The following MAPK10 variants were observed in gnomAD, a reference collection of about 807,000 sequenced individuals.
MAPK10 encodes the protein JNK3 alpha protein kinase.
MAPK10 carries 25 observed loss-of-function variants against 59.3 expected under a neutral mutation model. The ratio of observed to expected loss-of-function variants is 0.42; its 90% confidence interval spans 0.31 to 0.59. The LOEUF is 0.59. Ranked by LOEUF, MAPK10 falls within the 20% of genes least tolerant of loss-of-function variation. The probability of loss-of-function intolerance (pLI) is 0.15; values close to 1 mark genes in which losing one functional copy is unlikely to be tolerated. For synonymous variants in MAPK10, 190 were observed against 200.5 expected (o/e 0.95, Z 0.44); for missense variants, 351 against 568.9 (o/e 0.62, Z 3.90).
chr4:86,521,088 T>C (rs984556638), intron 1 of MAPK10, among the ~76,000 whole-genome samples: 4 of 152,238 alleles, frequency 2.6e-5, no homozygotes, highest in Non-Finnish European at 5.9e-5. Flanking sequence ...TCTCAAATGC[T>C]GGTTATGCTA....
chr4:86,507,627 T>TAC (rs1279542555), intron 1 of MAPK10, among the ~76,000 whole-genome samples: 5 of 44,972 alleles, frequency 1.1e-4, no homozygotes, highest in Non-Finnish European at 1.7e-4. Context: ...TATATATATA[T>TAC]ATATATATAT....
At chr4:86,152,498 C>G (rs1038146773) in intron 4 of MAPK10, 10 of 152,076 alleles carry the variant, frequency 6.6e-5, no homozygotes, top group African/African-American at 2.2e-4. Flanking sequence ...AATTTAAATT[C>G]CATCACAGGA....
chr4:86,107,711 C>T (rs1307604607), intron 4 of MAPK10: 1 of 978,216 alleles, frequency 1.0e-6, no homozygotes, highest in Non-Finnish European at 1.2e-6. Flanking sequence ...TCCCACTAGC[C>T]ATGTGACTAT....
chr4:86,361,366 C>T (rs1736922527), upstream of MAPK10, among the ~76,000 whole-genome samples: 1 of 152,128 alleles, frequency 6.6e-6, no homozygotes, highest in African/African-American at 2.4e-5. Context: ...TCAAGACTAT[C>T]TTCTAGTCTT....
At chr4:86,501,312 A>C (rs1755307409) in intron 1 of MAPK10, among the ~76,000 whole-genome samples, 4 of 152,112 alleles carry the variant, frequency 2.6e-5, no homozygotes, top group African/African-American at 9.6e-5. Flanking sequence ...AACAGCTTTC[A>C]ACCAAGTGGT....
intron 2 of MAPK10, among the ~76,000 whole-genome samples, chr4:86,332,078 A>G (rs756776976): frequency 6.6e-6 from 1 of 152,206 alleles, no homozygotes; most frequent in Non-Finnish European, 1.5e-5. Context: ...GCATTTAGCC[A>G]TAATAGCAAA....
chr4:86,437,212 T>TAAA (rs1354494615), intron 1 of MAPK10, among the ~76,000 whole-genome samples: 1 of 100,366 alleles, frequency 1.0e-5, no homozygotes, highest in Non-Finnish European at 2.0e-5. Context: ...AGACTCTGTC[T>TAAA]CAAAAAAAAA....
chr4:86,340,978 T>C lies in MAPK10; in HGVS notation c.-7+13552A>G, dbSNP rs137945525. Among the ~76,000 whole-genome samples the C allele has an allele frequency of 1.0e-2, 1,518 of 152,284 alleles. 17 individuals are homozygous for C. The highest frequency in any genetic ancestry group is 0.035 in the African/African-American group (1,435 of 41,562). On this transcript the variant is annotated intron_variant, in intron 2 of 13. Transcript: ENST00000641462. ...ATAATTCTCTATTAGCAAATATGGA[T>C]CAATTTTTCACATGAAGCAAGACCA...
intron 3 of MAPK10, among the ~76,000 whole-genome samples, chr4:86,182,015 T>A (rs2077030368): frequency 6.6e-6 from 1 of 152,156 alleles, no homozygotes; most frequent in Non-Finnish European, 1.5e-5. Context: ...TAAGACTACT[T>A]ACCTATTGCT....
At chr4:86,345,588 A>G in intron 2 of MAPK10, among the ~76,000 whole-genome samples, 1 of 152,204 alleles carries the variant, frequency 6.6e-6, no homozygotes, top group East Asian at 1.9e-4. Context: ...GACTTGCCCA[A>G]GGGAATATTA....
At chr4:86,140,810 A>C (rs900131858) in intron 4 of MAPK10, among the ~76,000 whole-genome samples, 2 of 152,146 alleles carry the variant, frequency 1.3e-5, no homozygotes, top group Non-Finnish European at 2.9e-5. Flanking sequence ...TGCACGCATA[A>C]CTATTGGCTG....
chr4:86,194,711 T>C (rs1341353466), intron 2 of MAPK10, among the ~76,000 whole-genome samples: 5 of 151,770 alleles, frequency 3.3e-5, no homozygotes, highest in Non-Finnish European at 5.9e-5. Flanking sequence ...TTTCAGTTCT[T>C]AACATTTAAT....
In MAPK10 at chr4:86,263,810, T is replaced by A. The variant is rs896967363; in HGVS notation, c.-6-69403A>T. 2.0e-5 allele frequency among the ~76,000 whole-genome samples: 3 copies of A among 152,190 alleles called. No homozygotes were observed. In the South Asian group the frequency reaches 6.2e-4, roughly 31 times the overall value. ...AGACACTGAAAATATGCATTGATAT[T>A]TGGCACACAATATGTGCTGAAAAAA... On this transcript the variant is annotated intron_variant, in intron 2 of 13. Transcript: ENST00000641462.
Position 86,315,713 on chromosome 4 carries a change from C to T in MAPK10, c.-7+38817G>A, listed in dbSNP as rs550819704. Among the ~76,000 whole-genome samples, 12 of 152,146 alleles carry T rather than the reference C, an allele frequency of 7.9e-5. No individual in the cohort carries two copies. The East Asian group carries it at 1.7e-3, about 22-fold the overall frequency. Reference sequence around the variant, plus strand: ...TGTTAATTTTATTTATGTGTATGTACAGGGTTGCTTTCTAATGCAAATAAC... The same window carrying T: ...TGTTAATTTTATTTATGTGTATGTATAGGGTTGCTTTCTAATGCAAATAAC... On this transcript the variant is annotated intron_variant, in intron 2 of 13. Coordinates refer to ENST00000641462, the MANE Select transcript of MAPK10 (RefSeq NM_138982.4).
At chr4:86,163,733 T>C (rs2070657883) in intron 3 of MAPK10, among the ~76,000 whole-genome samples, 1 of 151,736 alleles carries the variant, frequency 6.6e-6, no homozygotes, top group Non-Finnish European at 1.5e-5. Context: ...TTTTAGACAA[T>C]AGTAGATATA....
intron 1 of MAPK10, among the ~76,000 whole-genome samples, chr4:86,522,951 G>A (rs770304674): frequency 2.0e-5 from 3 of 152,168 alleles, no homozygotes; most frequent in African/African-American, 4.8e-5. Flanking sequence ...CACAGAATTT[G>A]TTGCTATATG....
chr4:86,339,594 A>G (rs567822436), intron 2 of MAPK10, among the ~76,000 whole-genome samples: 2 of 152,302 alleles, frequency 1.3e-5, no homozygotes, highest in East Asian at 3.9e-4. Flanking sequence ...GTAGAGCATA[A>G]TGGATAAATG....
At chr4:86,294,827 T>A (rs548787611) in intron 2 of MAPK10, among the ~76,000 whole-genome samples, 1 of 152,212 alleles carries the variant, frequency 6.6e-6, no homozygotes, top group South Asian at 2.1e-4. Flanking sequence ...GAAACCTGGA[T>A]AGAAACCTCT....
intron 13 of MAPK10, chr4:86,027,426 A>G (rs1294078506): frequency 1.3e-5 from 2 of 152,250 alleles, no homozygotes; most frequent in Non-Finnish European, 2.9e-5. Context: ...CCCAAAATGA[A>G]TAAATCAAAC....
Sources: gnomAD v4.1 joint callset for allele counts (sites outside exome capture counted in the v4.1 genomes callset) on GRCh38, gnomAD v4.1.1 for gene constraint, MANE v1.5 for transcripts, NCBI Gene and HGNC (gene_info 2026-07-23, HGNC 2026-07-21) for gene names.